Variants in ATP2A2 observed in about 807,000 individuals in gnomAD.
ATP2A2 encodes sarcoplasmic/endoplasmic reticulum calcium ATPase 2.
Under a neutral mutation model 109.3 loss-of-function variants are expected in ATP2A2, and 14 were observed. The ratio of observed to expected loss-of-function variants is 0.13; its 90% confidence interval spans 0.08 to 0.20. ATP2A2 has a LOEUF of 0.20. Among genes scored for constraint, ATP2A2 ranks in the 10% least tolerant of loss-of-function variants. The probability of loss-of-function intolerance (pLI) is 1.00; values close to 1 mark genes in which losing one functional copy is unlikely to be tolerated. For missense variants in ATP2A2, 657 were observed against 1,321.6 expected (o/e 0.50, Z 7.80); for synonymous variants, 506 against 490.9 (o/e 1.03, Z -0.41).
At chr12:110,303,716 G>T (rs536762089) in intron 5 of ATP2A2, among the ~76,000 whole-genome samples, 1 of 151,854 alleles carries the variant, frequency 6.6e-6, no homozygotes, top group Non-Finnish European at 1.5e-5. Context: ...GCCCAGCCAC[G>T]CCTGGCTAAT....
chr12:110,280,965 G>A (rs1871972353), upstream of ATP2A2: 4 of 152,192 alleles, frequency 2.6e-5, no homozygotes, highest in South Asian at 8.3e-4. Flanking sequence ...GCGTCTGCAG[G>A]TGGGTGGGTC....
intron 3 of ATP2A2, among the ~76,000 whole-genome samples, chr12:110,286,876 A>G (rs1486849541): frequency 6.6e-6 from 1 of 152,102 alleles, no homozygotes; most frequent in Non-Finnish European, 1.5e-5. Flanking sequence ...CTATTATCAC[A>G]GTGTATAGAT....
Position 110,322,998 on chromosome 12 carries a change from A to T in ATP2A2, c.470A>T (p.Asp157Val). ...TTTTTTTTCTCCTAATTAGTTGGTG[A>T]CAAAGTTCCTGCTGATATAAGGTTA... ...PGDIVEIAVGDKVPADIRLTS... is the reference protein window; with the variant it reads ...PGDIVEIAVGVKVPADIRLTS... The change falls in exon 6 of 20, where the codon GAC becomes GTC. Residue 157 changes from aspartate (D) to valine (V), a missense_variant. By Grantham distance (152) the Asp-to-Val change is radical. Around this residue, in one of 9 missense-constraint regions of ATP2A2, gnomAD observed 136 missense variants for 343.9 expected, o/e 0.40. Transcript: ENST00000539276. 1 of 1,612,566 alleles carries T rather than the reference A, an allele frequency of 6.2e-7. No homozygotes were observed. The highest frequency in any genetic ancestry group is 8.5e-7 in the Non-Finnish European group (1 of 1,178,618).
At chr12:110,311,185 T>TA (rs1390069343) in intron 5 of ATP2A2, among the ~76,000 whole-genome samples, 1 of 152,146 alleles carries the variant, frequency 6.6e-6, no homozygotes, top group Non-Finnish European at 1.5e-5. Context: ...CAAAACAGAG[T>TA]AGTCAGTCTG....
At chr12:110,334,585 C>T (rs1566234510) in intron 11 of ATP2A2, among the ~76,000 whole-genome samples, 1 of 137,342 alleles carries the variant, frequency 7.3e-6, no homozygotes, top group Non-Finnish European at 1.6e-5. Flanking sequence ...TTCAATTAAA[C>T]CTTTTTTTTT....
intron 5 of ATP2A2, among the ~76,000 whole-genome samples, chr12:110,302,684 C>A (rs548660144): frequency 1.4e-4 from 22 of 152,010 alleles, no homozygotes; most frequent in Non-Finnish European, 2.9e-4. Context: ...ACTGCAACCT[C>A]TGCCTGCCTG....
At chr12:110,328,516 C>T (rs550356628) in intron 8 of ATP2A2, among the ~76,000 whole-genome samples, 2 of 152,230 alleles carry the variant, frequency 1.3e-5, no homozygotes, top group South Asian at 2.1e-4. Flanking sequence ...TTGCAGTGAG[C>T]CAAGATCACA....
At chr12:110,332,771 C>A in intron 9 of ATP2A2, 86 bp downstream of exon 9, 1 of 1,217,388 alleles carries the variant, frequency 8.2e-7, no homozygotes, top group Non-Finnish European at 1.2e-6. Flanking sequence ...AAAGTTAAGA[C>A]AGCTTTCTGA....
At position 110,321,065 on chromosome 12, in the gene ATP2A2, A is replaced by G. The variant is rs118186259; in HGVS notation, c.464-1927A>G. 1.8e-4 allele frequency among the ~76,000 whole-genome samples: 28 copies of G among 152,244 alleles called. No individual in the cohort carries two copies. In the East Asian group the frequency reaches 5.2e-3, roughly 28 times the overall value. ...AACATAGTGAAACGCTATCTCTACTAAAAATACAAAAATGAGGCTGGTTGT... is the reference window on the plus strand; with the variant it reads ...AACATAGTGAAACGCTATCTCTACTGAAAATACAAAAATGAGGCTGGTTGT... On this transcript the variant is annotated intron_variant, in intron 5 of 19. Coordinates refer to ENST00000539276, the MANE Select transcript of ATP2A2 (RefSeq NM_170665.4).
chr12:110,332,763 A>C (rs573276029), intron 9 of ATP2A2, 78 bp downstream of exon 9: 2 of 1,253,636 alleles, frequency 1.6e-6, no homozygotes, highest in Non-Finnish European at 2.3e-6. Context: ...ATGTCTACAA[A>C]GTTAAGACAG....
rs1477743535 is a variant in ATP2A2 at position 110,348,646 on chromosome 12, G to T, written c.*2176G>T. On this transcript the variant is annotated 3_prime_UTR_variant, in exon 20 of 20. Transcript: ENST00000539276. ...CAGCCCTTTGGAGGCCACAGCAGAA[G>T]GATTGCTTGAGCCCAGGTACTCAAA... is the stretch of plus-strand genomic sequence containing the variant. 7 of 985,320 alleles carry T rather than the reference G, an allele frequency of 7.1e-6. No homozygotes were observed. Among genetic ancestry groups the T allele is most frequent in the East Asian group, 2.3e-4 (2 of 8,828 alleles). The allele number at this position is 985,320 out of a possible 1,614,324, so 61.0% of individuals were successfully genotyped here.
intron 4 of ATP2A2, among the ~76,000 whole-genome samples, chr12:110,293,110 C>T (rs957759686): frequency 6.6e-6 from 1 of 152,136 alleles, no homozygotes; most frequent in Non-Finnish European, 1.5e-5. Context: ...GAGACCGACT[C>T]TCTGTCGCCC....
At chr12:110,305,445 A>G (rs1875181745) in intron 5 of ATP2A2, among the ~76,000 whole-genome samples, 2 of 152,204 alleles carry the variant, frequency 1.3e-5, no homozygotes, top group African/African-American at 4.8e-5. Context: ...GGTGTGAGGT[A>G]GGAGATCCAG....
At position 110,344,904 on chromosome 12, in the gene ATP2A2, C is replaced by T. The variant is rs868781956; in HGVS notation, c.2540C>T (p.Thr847Ile). 6.2e-7 allele frequency: 1 copy of T among 1,614,206 alleles called. No individual in the cohort carries two copies. The highest frequency in any genetic ancestry group is 8.5e-7 in the Non-Finnish European group (1 of 1,180,028). Residue 847 changes from threonine (T) to isoleucine (I), a missense_variant, in exon 17 of 20, where the codon ACC (threonine) becomes ATC (isoleucine). By Grantham distance (89) the Thr-to-Ile change is moderately conservative. Around this residue, in one of 9 missense-constraint regions of ATP2A2, gnomAD observed 125 missense variants for 243.5 expected, o/e 0.51. Transcript: ENST00000539276. ...TTCCCAGGTTACGTCGGCGCTGCTACCGTGGGTGCTGCTGCATGGTGGTTC... is the reference window on the plus strand; with the variant it reads ...TTCCCAGGTTACGTCGGCGCTGCTATCGTGGGTGCTGCTGCATGGTGGTTC... ...LAIGCYVGAA[T>I]VGAAAWWFIA...
At chr12:110,330,601 G>T (rs1156287601) in intron 8 of ATP2A2, 1 of 152,120 alleles carries the variant, frequency 6.6e-6, no homozygotes, top group East Asian at 1.9e-4. Flanking sequence ...GTGTAAAATT[G>T]TAATTTTTAA....
chr12:110,332,623 T>C lies in ATP2A2; in HGVS notation c.1122T>C (p.Gly374=), dbSNP rs772617747. 23 of 1,613,576 alleles carry C rather than the reference T, an allele frequency of 1.4e-5. No homozygotes were observed. The highest frequency in any genetic ancestry group is 1.9e-5 in the Non-Finnish European group (23 of 1,179,568). The stretch of plus-strand genomic sequence containing the variant: ...TGTTCATTCTGGACAGAGTGGAAGG[T>C]GATACTTGTTCCCTTAATGAGTTTA... ...CRMFILDRVE[G]DTCSLNEFTI... is the part of the protein sequence containing the mutation. The change falls in exon 9 of 20, where the codon GGT becomes GGC. Residue 374 remains glycine (G), a synonymous_variant. Transcript: ENST00000539276.
At chr12:110,286,067 A>T (rs1872630982) in intron 3 of ATP2A2, among the ~76,000 whole-genome samples, 1 of 151,732 alleles carries the variant, frequency 6.6e-6, no homozygotes, top group Admixed American at 6.6e-5. Context: ...GGGATTACAG[A>T]TGTCCACCAC....
At chr12:110,326,584 A>C in intron 7 of ATP2A2, 109 bp downstream of exon 7, 3 of 1,082,702 alleles carry the variant, frequency 2.8e-6, no homozygotes, top group Non-Finnish European at 4.1e-6. Flanking sequence ...AAGGATAATC[A>C]CACTTTTCAT....
chr12:110,338,565 TCTC>T (rs1879059795), intron 11 of ATP2A2, among the ~76,000 whole-genome samples: 1 of 152,158 alleles, frequency 6.6e-6, no homozygotes, highest in South Asian at 2.1e-4. Flanking sequence ...TTTAAGCAGT[TCTC>T]CTGCCTCGGC....
Sources: gnomAD v4.1 joint callset for allele counts (sites outside exome capture counted in the v4.1 genomes callset) on GRCh38, gnomAD v4.1.1 for gene constraint, gnomAD v4.1.1 regional missense constraint, MANE v1.5 for transcripts, NCBI Gene and HGNC (gene_info 2026-07-23, HGNC 2026-07-21) for gene names.